HERC4: variants seen among roughly 807,000 people sequenced by gnomAD.
HERC4 encodes the protein HECT and RLD domain containing E3 ubiquitin protein ligase 4.
In HERC4, 28 loss-of-function variants were observed where a neutral mutation model predicts 124.3. That is an observed-to-expected ratio of 0.23 (90% CI 0.17 to 0.31). The LOEUF is 0.31. HERC4 is among the 10% of genes least tolerant of loss of function. The pLI, the probability that HERC4 is intolerant of heterozygous loss-of-function variation, is 1.00. For missense variants in HERC4, 713 were observed against 1,229.3 expected (o/e 0.58, Z 6.28); for synonymous variants, 407 against 421.5 (o/e 0.97, Z 0.42).
At chr10:68,018,900 C>CTTTT (rs34948748) in intron 8 of HERC4, among the ~76,000 whole-genome samples, 13 of 93,126 alleles carry the variant, frequency 1.4e-4, no homozygotes, top group African/African-American at 2.0e-4. Flanking sequence ...CCCCACAAGG[C>CTTTT]TTTTTTTTTT....
Position 68,034,201 on chromosome 10 carries a change from T to G in HERC4, c.464-15A>C, listed in dbSNP as rs750112410. On this transcript the variant is annotated splice_polypyrimidine_tract_variant and intron_variant, in intron 5 of 24. Transcript: ENST00000373700. ...GACTTCACTTGCTGTAAAACAGTAA[T>G]GGAAAAATTAACCATTTTTCTCACA... 1.9e-6 allele frequency: 3 copies of G among 1,560,808 alleles called. No homozygotes were observed. Among genetic ancestry groups the G allele is most frequent in the Non-Finnish European group, 2.6e-6 (3 of 1,145,718 alleles).
intron 16 of HERC4, chr10:67,960,934 C>A: frequency 3.1e-6 from 1 of 325,034 alleles, no homozygotes; most frequent in South Asian, 2.9e-5. Flanking sequence ...CCACTTCTTT[C>A]AAGTCACTTG....
intron 16 of HERC4, chr10:67,959,247 A>T: frequency 1.1e-6 from 1 of 895,608 alleles, no homozygotes; most frequent in Non-Finnish European, 1.7e-6. Flanking sequence ...ACAGCAGAAT[A>T]TTGAAGTAAT....
At chr10:67,936,317 A>C (rs2032357347) in intron 21 of HERC4, 82 bp from the exon 22 acceptor site, 3 of 721,146 alleles carry the variant, frequency 4.2e-6, no homozygotes, top group Non-Finnish European at 6.4e-6. Context: ...CCTTTCTCTC[A>C]TTTAATTAAA....
At chr10:67,936,369 C>A in intron 21 of HERC4, 134 bp from the exon 22 acceptor site, 1 of 454,966 alleles carries the variant, frequency 2.2e-6, no homozygotes, top group Admixed American at 4.0e-5. Context: ...TACCATATAG[C>A]TTATCTGAGA....
intron 15 of HERC4, among the ~76,000 whole-genome samples, chr10:67,973,591 G>A (rs951767773): frequency 6.6e-6 from 1 of 152,106 alleles, no homozygotes; most frequent in Non-Finnish European, 1.5e-5. Flanking sequence ...AGAGAGTGAG[G>A]TATAGTCAAG....
rs1011024767 is a variant in HERC4 at position 68,025,530 on chromosome 10, T to A, written c.908+16A>T. 6.2e-7 allele frequency: 1 copy of A among 1,605,816 alleles called. No homozygotes were observed. The highest frequency in any genetic ancestry group is 8.5e-7 in the Non-Finnish European group (1 of 1,175,770). On this transcript the variant is annotated intron_variant, in intron 8 of 24. Coordinates refer to ENST00000373700, the MANE Select transcript of HERC4 (RefSeq NM_015601.4). ...GCAGTTTAGAGACCAAAATGCTCTT[T>A]TACATAACACCTTACCGTCCACAAG...
chr10:68,033,888 A>G (rs913014803), intron 6 of HERC4, 77 bp downstream of exon 6: 1 of 1,188,142 alleles, frequency 8.4e-7, no homozygotes, highest in African/African-American at 1.5e-5. Context: ...TCTCTCTTAC[A>G]CTAAGAATCA....
intron 19 of HERC4, among the ~76,000 whole-genome samples, chr10:67,952,322 T>C (rs1270142224): frequency 2.0e-5 from 3 of 152,092 alleles, no homozygotes; most frequent in African/African-American, 7.2e-5. Context: ...TCTCGTTTTG[T>C]CACCAGGCTG....
chr10:67,991,751 G>C lies in HERC4; in HGVS notation c.1271+448C>G, dbSNP rs185181399. 1.3e-3 allele frequency among the ~76,000 whole-genome samples: 201 copies of C among 152,258 alleles called. 1 individual carries two copies. The highest frequency in any genetic ancestry group is 0.012 in the South Asian group (59 of 4,830). On this transcript the variant is annotated intron_variant, in intron 11 of 24. Coordinates refer to ENST00000373700, the MANE Select transcript of HERC4 (RefSeq NM_015601.4). ...TCCACAAAGTATAAAAGTTAAGATA[G>C]TGACCATTATAAAACCAGAAGGAAC...
At chr10:68,051,515 T>A (rs2040304417) in intron 3 of HERC4, among the ~76,000 whole-genome samples, 1 of 150,902 alleles carries the variant, frequency 6.6e-6, no homozygotes, top group African/African-American at 2.4e-5. Flanking sequence ...CAGCTAGTTT[T>A]TTTTTGGTTT....
At chr10:68,003,139 ATTC>A (rs1208117199) in intron 9 of HERC4, among the ~76,000 whole-genome samples, 3 of 150,978 alleles carry the variant, frequency 2.0e-5, no homozygotes, top group Non-Finnish European at 4.4e-5. Context: ...GACCTTATTC[ATTC>A]TATTAACTAT....
chr10:68,064,560 C>CAAAA (rs538756559), intron 3 of HERC4, among the ~76,000 whole-genome samples: 2 of 71,624 alleles, frequency 2.8e-5, no homozygotes, highest in East Asian at 3.4e-4. Flanking sequence ...GATTCTCTCT[C>CAAAA]AAAAAAAAAA....
At chr10:67,988,416 A>G (rs1322239022) in intron 15 of HERC4, among the ~76,000 whole-genome samples, 1 of 152,106 alleles carries the variant, frequency 6.6e-6, no homozygotes, top group Non-Finnish European at 1.5e-5. Context: ...ACTCATTAGT[A>G]TGTTATTGTT....
chr10:68,023,569 T>C (rs2038753199), intron 8 of HERC4, among the ~76,000 whole-genome samples: 1 of 152,150 alleles, frequency 6.6e-6, no homozygotes, highest in South Asian at 2.1e-4. Flanking sequence ...AGGGAGTCAT[T>C]GTTTAATGGG....
At chr10:68,012,963 G>A (rs1379621883) in intron 9 of HERC4, among the ~76,000 whole-genome samples, 2 of 152,084 alleles carry the variant, frequency 1.3e-5, no homozygotes, top group Non-Finnish European at 1.5e-5. Context: ...TGTTACTATT[G>A]CAATTGTTTG....
intron 3 of HERC4, among the ~76,000 whole-genome samples, chr10:68,049,103 C>T (rs1000088964): frequency 1.3e-5 from 2 of 151,416 alleles, no homozygotes; most frequent in Non-Finnish European, 2.9e-5. Context: ...ATATTTGCAG[C>T]ACTATATACA....
At chr10:68,039,373 A>C (rs1359473306) in intron 4 of HERC4, 1 of 1,536,222 alleles carries the variant, frequency 6.5e-7, no homozygotes, top group East Asian at 2.5e-5. Context: ...GGGGAGGTAC[A>C]CAATATGTTT....
chr10:67,942,691 A>G (rs2033014093), intron 19 of HERC4, among the ~76,000 whole-genome samples: 1 of 152,008 alleles, frequency 6.6e-6, no homozygotes, highest in Non-Finnish European at 1.5e-5. Context: ...TTGTATTTTC[A>G]GTAGAAATGG....
Sources: allele counts gnomAD v4.1 joint callset (sites outside exome capture counted in the v4.1 genomes callset), GRCh38; gene constraint gnomAD v4.1.1; transcripts MANE v1.5; gene names NCBI Gene and HGNC (gene_info 2026-07-23, HGNC 2026-07-21).